ROBO1: variants seen among roughly 807,000 people sequenced by gnomAD.
ROBO1 encodes the protein roundabout homolog 1.
Under a neutral mutation model 195.9 loss-of-function variants are expected in ROBO1, and 149 were observed. The ratio of observed to expected loss-of-function variants is 0.76; its 90% CI spans 0.67 to 0.87. The LOEUF (loss-of-function observed/expected upper bound fraction) is 0.87, where lower values mean the gene tolerates loss of function less well. Ranked by LOEUF, ROBO1 falls within the 40% of genes least tolerant of loss-of-function variation. ROBO1 has a pLI of 0.00. For missense variants in ROBO1, 1,933 were observed against 2,068.3 expected (o/e 0.93, Z 1.27); for synonymous variants, 816 against 733.2 (o/e 1.11, Z -1.82).
At chr3:78,695,624 T>C (rs1413955760) in intron 8 of ROBO1, among the ~76,000 whole-genome samples, 12 of 98,120 alleles carry the variant, frequency 1.2e-4, no homozygotes, top group African/African-American at 5.1e-4. Context: ...GACTCTTGTC[T>C]CAAAAAAAAA....
intron 5 of ROBO1, among the ~76,000 whole-genome samples, chr3:78,738,151 G>A (rs2108232671): frequency 6.6e-6 from 1 of 152,302 alleles, no homozygotes; most frequent in Admixed American, 6.5e-5. Context: ...GGGAGGAAAG[G>A]AAGCAATTGG....
At chr3:78,956,100 AAATCTAAATTTTAAGTAATCAT>A (rs1309984701) in intron 3 of ROBO1, among the ~76,000 whole-genome samples, 2 of 152,162 alleles carry the variant, frequency 1.3e-5, no homozygotes, top group African/African-American at 4.8e-5. Flanking sequence ...TGTTAATGCA[AAATCTAAATTTTAAGTAATCAT>A]AAATACTTAA....
intron 3 of ROBO1, among the ~76,000 whole-genome samples, chr3:78,963,090 G>GATAT (rs71127370): frequency 0.047 from 6,779 of 145,666 alleles, 445 homozygotes; most frequent in African/African-American, 0.15. Flanking sequence ...TCTCATACTT[G>GATAT]ATATATATAT....
chr3:79,074,936 A>C (rs927554490), intron 3 of ROBO1, among the ~76,000 whole-genome samples: 3 of 151,986 alleles, frequency 2.0e-5, no homozygotes, highest in African/African-American at 4.8e-5. Flanking sequence ...AAATTGTGTT[A>C]AAAGTAACAA....
chr3:79,445,478 AT>A (rs1343329439), intron 2 of ROBO1, among the ~76,000 whole-genome samples: 1 of 128,656 alleles, frequency 7.8e-6, no homozygotes, highest in Non-Finnish European at 1.6e-5. Context: ...CAATACAGAA[AT>A]TGTTTTTTTT....
intron 1 of ROBO1, among the ~76,000 whole-genome samples, chr3:79,747,034 T>C (rs568230254): frequency 6.6e-6 from 1 of 152,202 alleles, no homozygotes; most frequent in African/African-American, 2.4e-5. Flanking sequence ...TTTTGGTATG[T>C]AAAGGAGTAT....
At chr3:79,093,305 A>G (rs566863407) in intron 3 of ROBO1, among the ~76,000 whole-genome samples, 16 of 152,260 alleles carry the variant, frequency 1.1e-4, no homozygotes, top group African/African-American at 3.4e-4. Flanking sequence ...GCTTAGTATA[A>G]CTAATAGCTG....
chr3:79,012,148 C>T (rs1360479485), intron 3 of ROBO1, among the ~76,000 whole-genome samples: 4 of 152,150 alleles, frequency 2.6e-5, no homozygotes, highest in Non-Finnish European at 5.9e-5. Flanking sequence ...AAAATGTTTT[C>T]TAGTAAACCT....
chr3:79,700,317 TTG>T (rs71130610), intron 1 of ROBO1, among the ~76,000 whole-genome samples: 2,190 of 144,210 alleles, frequency 0.015, 67 homozygotes, highest in Admixed American at 0.061. Context: ...GTGTGTGTGT[TTG>T]TGTGTGTGTG....
chr3:79,340,740 C>G (rs2034875100), intron 2 of ROBO1, among the ~76,000 whole-genome samples: 1 of 152,072 alleles, frequency 6.6e-6, no homozygotes, highest in Non-Finnish European at 1.5e-5. Flanking sequence ...GCTCTTATAA[C>G]AAAACCAGAT....
intron 2 of ROBO1, among the ~76,000 whole-genome samples, chr3:79,292,675 T>C (rs578148524): frequency 7.9e-5 from 12 of 152,318 alleles, no homozygotes; most frequent in Middle Eastern, 3.4e-3. Flanking sequence ...TTACGGATTA[T>C]GTTTACAGAT....
chr3:78,743,214 T>C (rs2082574719), intron 5 of ROBO1, among the ~76,000 whole-genome samples: 1 of 152,184 alleles, frequency 6.6e-6, no homozygotes, highest in African/African-American at 2.4e-5. Flanking sequence ...CTTTCCAGTC[T>C]GTCTTGAACT....
chr3:79,519,623 C>T (rs1285894931), intron 2 of ROBO1, among the ~76,000 whole-genome samples: 12 of 69,244 alleles, frequency 1.7e-4, no homozygotes, highest in African/African-American at 6.9e-4. Context: ...AGCCAGACTC[C>T]TGCTCAAAAA....
intron 5 of ROBO1, among the ~76,000 whole-genome samples, chr3:78,719,821 C>G (rs1028819735): frequency 2.0e-5 from 3 of 152,080 alleles, no homozygotes; most frequent in Non-Finnish European, 4.4e-5. Flanking sequence ...AATCAGCATT[C>G]TTTTGTATAT....
At chr3:78,820,222 T>C (rs984612215) in intron 4 of ROBO1, among the ~76,000 whole-genome samples, 8 of 152,230 alleles carry the variant, frequency 5.3e-5, no homozygotes, top group South Asian at 2.1e-4. Flanking sequence ...TTCATACTTA[T>C]ATTTTGCACT....
chr3:79,725,226 T>C (rs974986590), intron 1 of ROBO1, among the ~76,000 whole-genome samples: 22 of 137,418 alleles, frequency 1.6e-4, no homozygotes, highest in South Asian at 2.4e-4. Context: ...TCTTCTTCTT[T>C]TTTTTTTTTT....
At chr3:78,700,266 G>A (rs1013396654) in intron 8 of ROBO1, among the ~76,000 whole-genome samples, 1 of 151,968 alleles carries the variant, frequency 6.6e-6, no homozygotes. Context: ...TCTCTTCTTC[G>A]CTAGGTTATA....
intron 4 of ROBO1, among the ~76,000 whole-genome samples, chr3:78,825,113 A>T (rs1436062273): frequency 1.3e-5 from 2 of 152,208 alleles, no homozygotes; most frequent in African/African-American, 4.8e-5. Flanking sequence ...TGAGTGAATT[A>T]GGTACAAATA....
rs143689209 is a variant in ROBO1 at position 79,061,231 on chromosome 3, C to T, written c.172+64225G>A. On this transcript the variant is annotated intron_variant, in intron 3 of 30. Transcript: ENST00000464233. Reference sequence around the variant, plus strand: ...AACAGACAAACACAGAGCCAAATCACGAGTGAACTCCCATGCACAATTACT... The same window carrying T: ...AACAGACAAACACAGAGCCAAATCATGAGTGAACTCCCATGCACAATTACT... Among the ~76,000 whole-genome samples the T allele has an allele frequency of 8.2e-3, 1,248 of 152,126 alleles. 19 individuals are homozygous for T. Among genetic ancestry groups the T allele is most frequent in the African/African-American group, 0.028 (1,172 of 41,532 alleles).
Sources: allele counts gnomAD v4.1 joint callset (sites outside exome capture counted in the v4.1 genomes callset), GRCh38; gene constraint gnomAD v4.1.1; transcripts MANE v1.5; gene names NCBI Gene and HGNC (gene_info 2026-07-23, HGNC 2026-07-21).